Variants in CHMP4C observed in about 807,000 individuals in gnomAD.
The protein encoded by CHMP4C is SNF7 homolog associated with Alix 3.
In CHMP4C, 28 loss-of-function variants were observed where a neutral mutation model predicts 29.0. The observed-to-expected ratio is 0.97, with a 90% CI of 0.72 to 1.32. The LOEUF (loss-of-function observed/expected upper bound fraction) is 1.32, where lower values mean the gene tolerates loss of function less well. Among genes scored for constraint, CHMP4C ranks in the 40% most tolerant of loss-of-function variants. The pLI is 0.00. For missense variants in CHMP4C, 291 were observed against 281.0 expected, an observed-to-expected ratio of 1.04 and a Z score of -0.25; for synonymous variants, 106 against 102.4, an observed-to-expected ratio of 1.04 and a Z score of -0.21.
intron 1 of CHMP4C, among the ~76,000 whole-genome samples, chr8:81,752,190 T>C (rs1399886286): frequency 6.6e-6 from 1 of 152,180 alleles, no homozygotes; most frequent in Non-Finnish European, 1.5e-5. Context: ...CTTAAAACCA[T>C]TTGAGTTCTT....
At chr8:81,752,104 A>G (rs1209159269) in intron 1 of CHMP4C, among the ~76,000 whole-genome samples, 2 of 152,146 alleles carry the variant, frequency 1.3e-5, no homozygotes, top group African/African-American at 4.8e-5. Context: ...ACAAGAAGAA[A>G]TGGACGAAAA....
chr8:81,758,388 T>C, intron 4 of CHMP4C, 92 bp from the exon 5 acceptor site: 1 of 1,561,490 alleles, frequency 6.4e-7, no homozygotes, highest in East Asian at 2.2e-5. Context: ...GATTTCAAAC[T>C]GAACACATTT....
At position 81,753,080 on chromosome 8, in the gene CHMP4C, A is replaced by C; in HGVS notation, c.207A>C (p.Leu69=). 6.2e-7 allele frequency: 1 copy of C among 1,610,044 alleles called. No individual in the cohort carries two copies. The highest frequency in any genetic ancestry group is 8.5e-7 in the Non-Finnish European group (1 of 1,178,110). ...CTTATTTAGCTGCATTACAGGCACT[A>C]AAGAGAAAGAAGAGGTTCGAGAAAC... is the stretch of plus-strand genomic sequence containing the variant. The part of the protein sequence containing the change: ...TQNKRAALQA[L]KRKKRFEKQL... The change falls in exon 2 of 5, where the codon CTA becomes CTC. Residue 69 remains leucine, a synonymous_variant. Transcript: ENST00000297265.
At chr8:81,740,198 G>A (rs1026030108) in intron 1 of CHMP4C, among the ~76,000 whole-genome samples, 21 of 152,184 alleles carry the variant, frequency 1.4e-4, no homozygotes, top group Non-Finnish European at 2.4e-4. Context: ...GATAGCAACC[G>A]TGTTTCATCC....
At chr8:81,753,679 C>A (rs566233325) in intron 2 of CHMP4C, among the ~76,000 whole-genome samples, 1 of 152,184 alleles carries the variant, frequency 6.6e-6, no homozygotes, top group South Asian at 2.1e-4. Context: ...GATTCCGATG[C>A]TAACCAATGT....
At chr8:81,740,463 C>T (rs541213539) in intron 1 of CHMP4C, among the ~76,000 whole-genome samples, 50 of 152,292 alleles carry the variant, frequency 3.3e-4, no homozygotes, top group African/African-American at 1.1e-3. Context: ...GGTGGTAAGG[C>T]TTAATGGCCT....
At chr8:81,740,048 T>C (rs1042846651) in intron 1 of CHMP4C, among the ~76,000 whole-genome samples, 3 of 152,368 alleles carry the variant, frequency 2.0e-5, no homozygotes, top group East Asian at 1.9e-4. Flanking sequence ...AGCTATTTCT[T>C]TTAGTTAAAT....
chr8:81,756,415 A>G (rs1429977660), intron 3 of CHMP4C, among the ~76,000 whole-genome samples: 1 of 152,148 alleles, frequency 6.6e-6, no homozygotes, highest in Non-Finnish European at 1.5e-5. Context: ...AAGTTTTTCA[A>G]CTCCTGATGT....
At chr8:81,750,221 G>C (rs1339899227) in intron 1 of CHMP4C, among the ~76,000 whole-genome samples, 1 of 151,960 alleles carries the variant, frequency 6.6e-6, no homozygotes, top group African/African-American at 2.4e-5. Context: ...TTTAAAAAAG[G>C]GTAAAAAAGT....
intron 2 of CHMP4C, among the ~76,000 whole-genome samples, chr8:81,753,985 C>T (rs574123179): frequency 1.3e-5 from 2 of 151,970 alleles, no homozygotes; most frequent in Admixed American, 6.6e-5. Flanking sequence ...TGTCTGGGAC[C>T]GGATCCTTTC....
chr8:81,747,432 G>T (rs1446090951), intron 1 of CHMP4C, among the ~76,000 whole-genome samples: 1 of 152,102 alleles, frequency 6.6e-6, no homozygotes, highest in East Asian at 1.9e-4. Flanking sequence ...TGACGAGATA[G>T]GGAAGACATG....
chr8:81,735,438 G>A (rs1179938406), intron 1 of CHMP4C, among the ~76,000 whole-genome samples: 1 of 130,098 alleles, frequency 7.7e-6, no homozygotes, highest in African/African-American at 3.3e-5. Flanking sequence ...CATATACATA[G>A]TTAACTGTCT....
intron 1 of CHMP4C, among the ~76,000 whole-genome samples, chr8:81,737,581 G>A (rs1808708425): frequency 6.6e-6 from 1 of 152,040 alleles, no homozygotes; most frequent in African/African-American, 2.4e-5. Flanking sequence ...AAAGTATCTT[G>A]GTGTTGTAGT....
At chr8:81,741,927 A>C (rs1306848730) in intron 1 of CHMP4C, among the ~76,000 whole-genome samples, 5 of 152,330 alleles carry the variant, frequency 3.3e-5, no homozygotes, top group African/African-American at 1.2e-4. Context: ...CAAAAGTCTG[A>C]ATTAAATATG....
At chr8:81,758,419 T>C in intron 4 of CHMP4C, 61 bp from the exon 5 acceptor site, 1 of 1,546,236 alleles carries the variant, frequency 6.5e-7, no homozygotes. Flanking sequence ...TTCATACCTG[T>C]TTTCTATGCT....
intron 1 of CHMP4C, among the ~76,000 whole-genome samples, chr8:81,736,690 A>C (rs989294126): frequency 6.6e-6 from 1 of 152,166 alleles, no homozygotes; most frequent in Non-Finnish European, 1.5e-5. Flanking sequence ...CTGCCAGGGA[A>C]CATTGCTGTC....
At chr8:81,733,067 A>C (rs1808640480) in intron 1 of CHMP4C, among the ~76,000 whole-genome samples, 1 of 152,216 alleles carries the variant, frequency 6.6e-6, no homozygotes, top group Non-Finnish European at 1.5e-5. Context: ...CAATACCTAA[A>C]GGACTCAGAA....
chr8:81,752,309 T>C (rs969018928), intron 1 of CHMP4C, among the ~76,000 whole-genome samples: 3 of 152,188 alleles, frequency 2.0e-5, no homozygotes, highest in Non-Finnish European at 4.4e-5. Context: ...TAGGGCTTTT[T>C]TTGGTTGCCT....
chr8:81,742,510 A>C (rs1808773660), intron 1 of CHMP4C, among the ~76,000 whole-genome samples: 1 of 152,220 alleles, frequency 6.6e-6, no homozygotes, highest in Admixed American at 6.5e-5. Context: ...GCAACTAAAC[A>C]TTTAAGAAGT....
Sources: gnomAD v4.1 joint callset for allele counts (sites outside exome capture counted in the v4.1 genomes callset) on GRCh38, gnomAD v4.1.1 for gene constraint, MANE v1.5 for transcripts, NCBI Gene and HGNC (gene_info 2026-07-23, HGNC 2026-07-21) for gene names.